ABCB5: variants seen among roughly 807,000 people sequenced by gnomAD.
ABCB5 encodes ATP binding cassette subfamily B member 5.
ABCB5 carries 155 observed loss-of-function variants against 144.2 expected under a neutral mutation model. The observed-to-expected ratio is 1.08, with a 90% CI of 0.94 to 1.23. The LOEUF is 1.23. Ranked by LOEUF, ABCB5 falls within the 50% of genes most tolerant of loss-of-function variation. ABCB5 has a pLI of 0.00. For synonymous variants in ABCB5, 610 were observed against 528.6 expected (o/e 1.15, Z -2.11); for missense variants, 1,830 against 1,520.8 (o/e 1.20, Z -3.38).
chr7:20,721,686 AAG>A (rs1156228616), intron 20 of ABCB5, among the ~76,000 whole-genome samples: 4 of 152,192 alleles, frequency 2.6e-5, no homozygotes, highest in Non-Finnish European at 5.9e-5. Flanking sequence ...CACCAATAGA[AAG>A]AGATAATTTG....
intron 10 of ABCB5, 118 bp downstream of exon 10, chr7:20,647,766 G>T (rs745468873): frequency 3.1e-5 from 44 of 1,442,458 alleles, no homozygotes; most frequent in Non-Finnish European, 3.7e-5. Context: ...TTGGCCAGTT[G>T]TTTATGGGAA....
At chr7:20,703,958 A>G (rs12700232) in intron 19 of ABCB5, among the ~76,000 whole-genome samples, 132,123 of 151,970 alleles carry the variant, frequency 0.87, 57,495 homozygotes, top group Admixed American at 0.91. Context: ...AATGTGAAGC[A>G]TCAGGGAAAA....
chr7:20,626,980 T>G (rs1783923771), intron 3 of ABCB5, among the ~76,000 whole-genome samples: 1 of 152,144 alleles, frequency 6.6e-6, no homozygotes, highest in Admixed American at 6.6e-5. Context: ...TTCAGTATAT[T>G]CCAATGATTC....
At chr7:20,624,301 G>A (rs1451589426) in intron 2 of ABCB5, among the ~76,000 whole-genome samples, 1 of 152,156 alleles carries the variant, frequency 6.6e-6, no homozygotes, top group Non-Finnish European at 1.5e-5. Context: ...GGGTTCTGGC[G>A]TCAGACTGAA....
At chr7:20,744,108 A>C (rs892726754) in intron 25 of ABCB5, among the ~76,000 whole-genome samples, 9 of 152,070 alleles carry the variant, frequency 5.9e-5, no homozygotes, top group African/African-American at 2.2e-4. Flanking sequence ...TCTGTGGCCC[A>C]GGCTGGAGTA....
chr7:20,704,165 T>C (rs1786735661), intron 19 of ABCB5, among the ~76,000 whole-genome samples: 2 of 136,696 alleles, frequency 1.5e-5, no homozygotes, highest in Non-Finnish European at 3.1e-5. Context: ...AACCTCTGCC[T>C]CCCAGGCTCA....
chr7:20,738,879 C>T (rs1414454458), intron 23 of ABCB5, 104 bp from the exon 24 acceptor site: 31 of 1,314,084 alleles, frequency 2.4e-5, no homozygotes, highest in Non-Finnish European at 3.0e-5. Flanking sequence ...CCGTCTACAT[C>T]AAAAGATTAT....
intron 11 of ABCB5, 132 bp from the exon 12 acceptor site, chr7:20,649,890 C>A: frequency 2.0e-6 from 2 of 992,244 alleles, no homozygotes; most frequent in Non-Finnish European, 2.9e-6. Context: ...GTACATGAAA[C>A]AAACATAACA....
At position 20,695,493 on chromosome 7, in the gene ABCB5, C is replaced by T. The variant is rs540606542; in HGVS notation, c.2011-2914C>T. 5.5e-4 allele frequency among the ~76,000 whole-genome samples: 83 copies of T among 151,936 alleles called. 1 individual carries two copies. The highest frequency in any genetic ancestry group is 2.5e-3 in the South Asian group (12 of 4,828). On this transcript the variant is annotated intron_variant, in intron 16 of 27. Coordinates refer to ENST00000404938, the MANE Select transcript of ABCB5 (RefSeq NM_001163941.2). ...AGAAAATGCAATAAAAAAATCTTCA[C>T]GACTTTGTGTTAAGCAAAGATCTCC...
intron 16 of ABCB5, among the ~76,000 whole-genome samples, chr7:20,697,262 T>C (rs772643838): frequency 6.6e-6 from 1 of 152,182 alleles, no homozygotes; most frequent in Non-Finnish European, 1.5e-5. Context: ...AGTTCTGTTG[T>C]CCAAACAACA....
In ABCB5 at chr7:20,745,282, C is replaced by T; in HGVS notation, c.3273C>T (p.Ser1091=). ...AATTGAATGTACAGTGGCTCCGTTC[C>T]CAAATAGCAATCGTTCCTCAAGAGC... ...AKELNVQWLR[S]QIAIVPQEPV... The change falls in exon 26 of 28, where the codon TCC becomes TCT. Residue 1091 remains serine (S), a synonymous_variant. Transcript: ENST00000404938. 1 of 1,613,986 alleles carries T rather than the reference C, an allele frequency of 6.2e-7. No homozygotes were observed. The highest frequency in any genetic ancestry group is 8.5e-7 in the Non-Finnish European group (1 of 1,179,918).
intron 5 of ABCB5, among the ~76,000 whole-genome samples, chr7:20,641,337 AT>A (rs2128022315): frequency 8.4e-6 from 1 of 118,444 alleles, no homozygotes; most frequent in East Asian, 2.1e-4. Flanking sequence ...AACAAAGATT[AT>A]TTTATTATTG....
At chr7:20,710,547 C>G (rs1276715851) in intron 20 of ABCB5, among the ~76,000 whole-genome samples, 2 of 149,002 alleles carry the variant, frequency 1.3e-5, no homozygotes, top group Non-Finnish European at 3.0e-5. Flanking sequence ...AATATAAAAG[C>G]AGATAGAGGG....
In ABCB5 at chr7:20,753,378, G is replaced by A. The variant is rs1444947115; in HGVS notation, c.3448G>A (p.Gly1150Arg). Residue 1150 changes from glycine (G) to arginine (R), a missense_variant, in exon 27 of 28, where the codon GGA becomes AGA. Physicochemically the swap from Gly to Arg is moderately radical, Grantham distance 125. Coordinates refer to ENST00000404938, the MANE Select transcript of ABCB5 (RefSeq NM_001163941.2). The part of the protein sequence containing the change: ...GLPEKYNTQV[G>R]LKGAQLSGGQ... ...GTGATAGAAATACAACACACAAGTT[G>A]GACTGAAAGGAGCACAGCTTTCTGG... The A allele has an allele frequency of 6.2e-7, 1 of 1,613,058 alleles. No homozygotes were observed. The highest frequency in any genetic ancestry group is 8.5e-7 in the Non-Finnish European group (1 of 1,179,400).
chr7:20,698,039 T>C (rs2128042887), intron 16 of ABCB5, among the ~76,000 whole-genome samples: 1 of 152,352 alleles, frequency 6.6e-6, no homozygotes, highest in Admixed American at 6.5e-5. Context: ...GCCTAGATTT[T>C]TTTCTTATCC....
chr7:20,681,448 G>T, intron 14 of ABCB5, 57 bp from the exon 15 acceptor site: 1 of 1,587,658 alleles, frequency 6.3e-7, no homozygotes, highest in Non-Finnish European at 8.6e-7. Context: ...CTTAAACAGT[G>T]CAAAGGTTGT....
At chr7:20,750,726 G>T (rs73685712) in intron 26 of ABCB5, among the ~76,000 whole-genome samples, 1 of 151,976 alleles carries the variant, frequency 6.6e-6, no homozygotes, top group African/African-American at 2.4e-5. Context: ...CAACGGTTTC[G>T]GTAAGGGAGT....
chr7:20,627,635 T>C (rs1276806532), intron 3 of ABCB5, among the ~76,000 whole-genome samples: 1 of 152,060 alleles, frequency 6.6e-6, no homozygotes, highest in Admixed American at 6.6e-5. Flanking sequence ...CTTTCAGGCA[T>C]TTCTTTCTTA....
intron 16 of ABCB5, among the ~76,000 whole-genome samples, chr7:20,691,582 T>TTTTATTTATTTATTTATTTATTTA (rs71020667): frequency 6.1e-5 from 9 of 146,808 alleles, no homozygotes; most frequent in South Asian, 2.1e-4. Flanking sequence ...TTAAATTCAT[T>TTTTATTTATTTATTTATTTATTTA]TTTATTTATT....
Sources: allele counts gnomAD v4.1 joint callset (sites outside exome capture counted in the v4.1 genomes callset), GRCh38; gene constraint gnomAD v4.1.1; transcripts MANE v1.5; gene names NCBI Gene and HGNC (gene_info 2026-07-23, HGNC 2026-07-21).